The following SMARCC1 variants were observed in gnomAD, a reference collection of about 807,000 sequenced individuals.
SMARCC1 encodes SWI/SNF related BAF chromatin remodeling complex subunit C1, also known as SWI/SNF complex subunit SMARCC1.
Under a neutral mutation model 147.4 loss-of-function variants are expected in SMARCC1, and 43 were observed. The ratio of observed to expected loss-of-function variants is 0.29; its 90% CI spans 0.23 to 0.38. SMARCC1 has a LOEUF of 0.38. SMARCC1 is among the 10% of genes least tolerant of loss of function. SMARCC1 has a pLI of 1.00. For missense variants in SMARCC1, 1,119 were observed against 1,381.1 expected (o/e 0.81, Z 3.01); for synonymous variants, 495 against 484.4 (o/e 1.02, Z -0.29).
At chr3:47,631,067 C>G (rs1165833286) in intron 24 of SMARCC1, among the ~76,000 whole-genome samples, 1 of 147,648 alleles carries the variant, frequency 6.8e-6, no homozygotes, top group African/African-American at 2.5e-5. Flanking sequence ...CCTGACAAAG[C>G]AAGCAAGCAA....
intron 26 of SMARCC1, among the ~76,000 whole-genome samples, chr3:47,597,648 A>C (rs1264412502): frequency 6.6e-6 from 1 of 152,098 alleles, no homozygotes. Context: ...TTTTTTATAG[A>C]GATGGGGCCT....
At chr3:47,727,501 A>G (rs7649393) in intron 6 of SMARCC1, among the ~76,000 whole-genome samples, 1 of 151,772 alleles carries the variant, frequency 6.6e-6, no homozygotes, top group African/African-American at 2.4e-5. Flanking sequence ...AACAAAGACT[A>G]CATCTCAAAA....
chr3:47,690,251 C>A lies in SMARCC1; in HGVS notation c.1226-827G>T, dbSNP rs559137443. ...GTGCAGTCGCTCACACCTATAATAC[C>A]AACACTTTTGGTGGCTGGTACGGGA... On this transcript the variant is annotated intron_variant, in intron 12 of 27. Coordinates refer to ENST00000254480, the MANE Select transcript of SMARCC1 (RefSeq NM_003074.4). Among the ~76,000 whole-genome samples, 5 of 151,930 alleles carry A rather than the reference C, an allele frequency of 3.3e-5. No individual in the cohort carries two copies. In the South Asian group the frequency reaches 1.0e-3, roughly 32 times the overall value.
intron 26 of SMARCC1, chr3:47,603,241 G>C (rs1399627717): frequency 6.6e-6 from 1 of 152,064 alleles, no homozygotes; most frequent in Middle Eastern, 3.1e-3. Flanking sequence ...GGCCAACATG[G>C]TGAAACCCTG....
chr3:47,716,579 G>A (rs1001984070), intron 7 of SMARCC1, among the ~76,000 whole-genome samples: 11 of 152,064 alleles, frequency 7.2e-5, no homozygotes, highest in South Asian at 2.1e-4. Flanking sequence ...CATCTTATTC[G>A]ATACATAAGG....
Position 47,701,352 on chromosome 3 carries a change from T to C in SMARCC1, c.1091A>G (p.Gln364Arg). Residue 364 changes from glutamine to arginine, a missense_variant, in exon 11 of 28, where the codon CAA (glutamine) becomes CGA (arginine). Transcript: ENST00000254480. ...TTCCATATCCTTGGTTAGATCTTCT[T>C]GCTCATCTTCCTCTTTCTGACTTCT... ...KRRSQKEEDE[Q>R]EDLTKDMEDP... The C allele has an allele frequency of 6.2e-7, 1 of 1,613,536 alleles. No homozygotes were observed. The highest frequency in any genetic ancestry group is 8.5e-7 in the Non-Finnish European group (1 of 1,179,436).
Position 47,720,133 on chromosome 3 carries a change from G to GT in SMARCC1, c.716+532dup, listed in dbSNP as rs999024267. On this transcript the variant is annotated intron_variant, in intron 7 of 27. Transcript: ENST00000254480. ...TAAAAGATATGAGGTTTTGTTTTTG[G>GT]TTTTTTTTGAGACGGAGTCTCACTC... Among the ~76,000 whole-genome samples, 9 of 151,790 alleles carry GT rather than the reference G, an allele frequency of 5.9e-5. No individual in the cohort carries two copies. The South Asian group carries it at 6.2e-4, about 11-fold the overall frequency.
rs185045200 is a variant in SMARCC1 at position 47,589,873 on chromosome 3, A to G, written c.3220+788T>C. 1.8e-3 allele frequency among the ~76,000 whole-genome samples: 275 copies of G among 152,350 alleles called. 1 individual carries two copies. The highest frequency in any genetic ancestry group is 3.3e-3 in the Admixed American group (51 of 15,306). On this transcript the variant is annotated intron_variant, in intron 27 of 27. Coordinates refer to ENST00000254480, the MANE Select transcript of SMARCC1 (RefSeq NM_003074.4). ...TGCTTCCTATCTCTCTGAACTATAAATAGTAGCTAAACTTTTGGCCACACG... is the reference window on the plus strand; with the variant it reads ...TGCTTCCTATCTCTCTGAACTATAAGTAGTAGCTAAACTTTTGGCCACACG...
intron 26 of SMARCC1, among the ~76,000 whole-genome samples, chr3:47,600,696 G>A (rs923472416): frequency 2.0e-5 from 3 of 152,098 alleles, no homozygotes; most frequent in Non-Finnish European, 2.9e-5. Flanking sequence ...AATCTGAAAT[G>A]GGGTAGAATT....
intron 24 of SMARCC1, among the ~76,000 whole-genome samples, chr3:47,633,720 G>A (rs539257454): frequency 2.0e-4 from 27 of 135,182 alleles, no homozygotes; most frequent in African/African-American, 7.3e-4. Flanking sequence ...CTACAGCCTG[G>A]GGGACAGAGT....
At chr3:47,681,298 A>C (rs2033641063) in intron 14 of SMARCC1, among the ~76,000 whole-genome samples, 1 of 152,178 alleles carries the variant, frequency 6.6e-6, no homozygotes, top group South Asian at 2.1e-4. Context: ...CACTGTGATA[A>C]ATTAATAACT....
At chr3:47,691,235 C>A (rs1480696584) in intron 12 of SMARCC1, among the ~76,000 whole-genome samples, 1 of 152,104 alleles carries the variant, frequency 6.6e-6, no homozygotes, top group African/African-American at 2.4e-5. Context: ...CACCAAACAC[C>A]TGAATCTCCT....
intron 24 of SMARCC1, among the ~76,000 whole-genome samples, chr3:47,626,296 G>A (rs1248069077): frequency 4.0e-5 from 6 of 151,726 alleles, no homozygotes; most frequent in Admixed American, 3.3e-4. Context: ...ACAGGCGCCC[G>A]CCACCAAGCC....
chr3:47,636,071 T>C lies in SMARCC1; in HGVS notation c.2442A>G (p.Lys814=), dbSNP rs758545984. ...CACTATCCTGTTCCTTTTCACTATTTTTTTCATTTTCTCCATCTTGTGCTT... is the reference window on the plus strand; with the variant it reads ...CACTATCCTGTTCCTTTTCACTATTCTTTTCATTTTCTCCATCTTGTGCTT... ...GDKAQDGENE[K]NSEKEQDSEV... Residue 814 remains lysine, a synonymous_variant, in exon 23 of 28, where the codon AAA becomes AAG. Coordinates refer to ENST00000254480, the MANE Select transcript of SMARCC1 (RefSeq NM_003074.4). 2.5e-6 allele frequency: 4 copies of C among 1,610,118 alleles called. No individual in the cohort carries two copies. Among genetic ancestry groups the C allele is most frequent in the Non-Finnish European group, 3.4e-6 (4 of 1,176,898 alleles).
At chr3:47,663,407 C>T (rs773454229) in intron 19 of SMARCC1, among the ~76,000 whole-genome samples, 9 of 152,036 alleles carry the variant, frequency 5.9e-5, no homozygotes, top group Non-Finnish European at 1.3e-4. Context: ...TATTTCCATA[C>T]ATAATAGCAA....
chr3:47,714,320 ACCACT>A, intron 8 of SMARCC1, 90 bp downstream of exon 8: 1 of 727,866 alleles, frequency 1.4e-6, no homozygotes. Flanking sequence ...CCAAGATCGC[ACCACT>A]CCACTCTAGC....
chr3:47,753,430 T>A (rs929908170), intron 2 of SMARCC1, among the ~76,000 whole-genome samples: 1 of 151,376 alleles, frequency 6.6e-6, no homozygotes, highest in Non-Finnish European at 1.5e-5. Flanking sequence ...AAAGACAAAG[T>A]AGGCCGGGTG....
chr3:47,590,774 G>A lies in SMARCC1; in HGVS notation c.3107C>T (p.Thr1036Ile). The change falls in exon 27 of 28, where the codon ACT becomes ATT. Residue 1036 changes from threonine (T) to isoleucine (I), a missense_variant. Coordinates refer to ENST00000254480, the MANE Select transcript of SMARCC1 (RefSeq NM_003074.4). ...AGAGGGGTGGATGTTGGCTGCAACA[G>A]TGGGAATCATGCGGCCTGGCATGTG... ...GQHMPGRMIP[T>I]VAANIHPSGS... 1 of 1,604,662 alleles carries A rather than the reference G, an allele frequency of 6.2e-7. No homozygotes were observed.
At chr3:47,673,510 GA>G (rs2033531228) in intron 18 of SMARCC1, among the ~76,000 whole-genome samples, 1 of 150,084 alleles carries the variant, frequency 6.7e-6, no homozygotes, top group South Asian at 2.1e-4. Context: ...TCAACATGGA[GA>G]AACCCTGTCT....
Sources: gnomAD v4.1 joint callset for allele counts (sites outside exome capture counted in the v4.1 genomes callset) on GRCh38, gnomAD v4.1.1 for gene constraint, MANE v1.5 for transcripts, NCBI Gene and HGNC (gene_info 2026-07-23, HGNC 2026-07-21) for gene names.